MRTFA: variants seen among roughly 807,000 people sequenced by gnomAD.
The protein encoded by MRTFA is myocardin-related transcription factor A.
MRTFA carries 20 observed loss-of-function variants against 83.5 expected under a neutral mutation model. The ratio of observed to expected loss-of-function variants is 0.24; its 90% CI spans 0.17 to 0.35. The LOEUF is 0.35. MRTFA is among the 10% of genes least tolerant of loss of function. The pLI is 1.00. For synonymous variants in MRTFA, 659 were observed against 541.2 expected, an observed-to-expected ratio of 1.22 and a Z score of -3.02; for missense variants, 1,200 against 1,224.7, an observed-to-expected ratio of 0.98 and a Z score of 0.30.
At chr22:40,510,579 A>G (rs1242201981) in intron 3 of MRTFA, among the ~76,000 whole-genome samples, 4 of 152,202 alleles carry the variant, frequency 2.6e-5, no homozygotes, top group Non-Finnish European at 4.4e-5. Context: ...AAGTGCTTTC[A>G]CTGAATCATT....
At chr22:40,441,145 G>A (rs985065070) in intron 4 of MRTFA, among the ~76,000 whole-genome samples, 7 of 152,168 alleles carry the variant, frequency 4.6e-5, no homozygotes, top group East Asian at 1.9e-4. Context: ...GGTAGTTCTC[G>A]ATCCTTTCCT....
rs561693141 is a variant in MRTFA, at chr22:40,595,611, A to G, written c.-83-876T>C. On this transcript the variant is annotated intron_variant, in intron 1 of 14. Transcript: ENST00000355630. ...AGGAGTTGAGAAACTAACTGGACAG[A>G]TAAGACAAAACAAAAACAGTTCAAG... Among the ~76,000 whole-genome samples, 4 of 152,274 alleles carry G rather than the reference A, an allele frequency of 2.6e-5. No homozygotes were observed. In the South Asian group the frequency reaches 8.3e-4, roughly 32 times the overall value.
intron 1 of MRTFA, among the ~76,000 whole-genome samples, chr22:40,617,952 G>A (rs2056473631): frequency 1.3e-5 from 2 of 152,138 alleles, no homozygotes; most frequent in South Asian, 2.1e-4. Context: ...TTGTACAGAC[G>A]ATCATCTAGT....
At chr22:40,499,904 T>G (rs915739136) in intron 3 of MRTFA, among the ~76,000 whole-genome samples, 6 of 146,418 alleles carry the variant, frequency 4.1e-5, no homozygotes, top group African/African-American at 1.5e-4. Flanking sequence ...GACAAGATTT[T>G]CAAGTAGACC....
chr22:40,635,405 T>C (rs1382583316), intron 1 of MRTFA, among the ~76,000 whole-genome samples: 1 of 152,188 alleles, frequency 6.6e-6, no homozygotes, highest in Non-Finnish European at 1.5e-5. Flanking sequence ...TCTCAAAAAC[T>C]TGCAACTCGG....
intron 3 of MRTFA, among the ~76,000 whole-genome samples, chr22:40,536,143 GAA>G (rs1021312404): frequency 1.5e-4 from 22 of 149,236 alleles, no homozygotes; most frequent in Non-Finnish European, 2.8e-4. Flanking sequence ...AAAAAAAAAA[GAA>G]AAAGAAAAAA....
At chr22:40,469,898 C>T (rs1321990850) in intron 3 of MRTFA, among the ~76,000 whole-genome samples, 1 of 152,000 alleles carries the variant, frequency 6.6e-6, no homozygotes, top group African/African-American at 2.4e-5. Flanking sequence ...GGCAAAATAG[C>T]AAGACCCCCA....
chr22:40,499,427 A>T (rs1204637295), intron 3 of MRTFA, among the ~76,000 whole-genome samples: 1 of 152,208 alleles, frequency 6.6e-6, no homozygotes, highest in East Asian at 1.9e-4. Flanking sequence ...CTGACCACAG[A>T]CTACAAGCAG....
rs1392558772 is a variant in MRTFA at position 40,451,608 on chromosome 22, C to G, written c.307+11613G>C. The stretch of plus-strand genomic sequence containing the variant: ...CTTGACCCACTGATGGTCAAAGAGG[C>G]TCAAGACTGAGACAGGTGAGCACAC... On this transcript the variant is annotated intron_variant, in intron 4 of 14. Transcript: ENST00000355630. Among the ~76,000 whole-genome samples the G allele has an allele frequency of 3.9e-5, 6 of 152,098 alleles. 1 individual carries two copies. Among genetic ancestry groups the G allele is most frequent in the Admixed American group, 3.9e-4 (6 of 15,264 alleles).
chr22:40,453,346 C>G (rs868763938), intron 4 of MRTFA, among the ~76,000 whole-genome samples: 3 of 152,186 alleles, frequency 2.0e-5, no homozygotes, highest in Admixed American at 6.5e-5. Context: ...GGTTACACCA[C>G]CATATCCTGC....
Position 40,429,364 on chromosome 22 carries a change from G to A in MRTFA, c.601+242C>T, listed in dbSNP as rs1335094398. 7.7e-6 allele frequency: 5 copies of A among 650,400 alleles called. No homozygotes were observed. The East Asian group carries it at 8.1e-5, about 11-fold the overall frequency. The allele number at this position is 650,400 out of a possible 1,614,324, so 40.3% of individuals were successfully genotyped here. A position where few individuals can be genotyped will look rare whatever the true frequency, so the allele number is the denominator to read the frequency against. ...TTTACAAAGATGGAAAGTGAACAGA[G>A]CAAGGCCTCTGTTATTATTTATTGT... is the stretch of plus-strand genomic sequence containing the variant. On this transcript the variant is annotated intron_variant, in intron 7 of 14. Coordinates refer to ENST00000355630, the MANE Select transcript of MRTFA (RefSeq NM_020831.6).
chr22:40,513,008 A>C (rs1324522117), intron 3 of MRTFA, among the ~76,000 whole-genome samples: 8 of 152,260 alleles, frequency 5.3e-5, no homozygotes, highest in Non-Finnish European at 4.4e-5. Context: ...CAGACAATTT[A>C]GAAAGCTTAA....
chr22:40,449,203 C>T lies in MRTFA; in HGVS notation c.308-13649G>A, dbSNP rs187318198. On this transcript the variant is annotated intron_variant, in intron 4 of 14. Transcript: ENST00000355630. ...AATGGCGTGAACCCAGGAGGCGGAG[C>T]TTGTAGTGAGCCGAGATTGCGCCAC... Among the ~76,000 whole-genome samples, 524 of 148,642 alleles carry T rather than the reference C, an allele frequency of 3.5e-3. 1 individual carries two copies. Among genetic ancestry groups the T allele is most frequent in the Non-Finnish European group, 6.1e-3 (413 of 67,484 alleles).
intron 2 of MRTFA, 39 bp from the exon 3 acceptor site, chr22:40,552,406 C>T (rs1171520732): frequency 3.8e-5 from 15 of 397,098 alleles, no homozygotes; most frequent in Non-Finnish European, 5.8e-5. Flanking sequence ...TAGATGGTAC[C>T]ATGATAATAT....
chr22:40,526,959 G>A (rs1272886161), intron 3 of MRTFA, among the ~76,000 whole-genome samples: 1 of 151,896 alleles, frequency 6.6e-6, no homozygotes, highest in Non-Finnish European at 1.5e-5. Flanking sequence ...ACTTATTGGG[G>A]CAGGGGAGGA....
chr22:40,417,217 G>T, intron 13 of MRTFA, 124 bp downstream of exon 13: 1 of 1,424,814 alleles, frequency 7.0e-7, no homozygotes, highest in East Asian at 2.5e-5. Flanking sequence ...ACTCCCCAAG[G>T]CCTCTCTGAC....
intron 3 of MRTFA, among the ~76,000 whole-genome samples, chr22:40,501,894 G>A (rs1328431368): frequency 3.5e-5 from 2 of 57,220 alleles, no homozygotes; most frequent in African/African-American, 9.2e-5. Context: ...GCGGCTGGCC[G>A]GGCATAGGGG....
chr22:40,524,135 A>G (rs2054919453), intron 3 of MRTFA, among the ~76,000 whole-genome samples: 1 of 152,210 alleles, frequency 6.6e-6, no homozygotes, highest in Admixed American at 6.5e-5. Context: ...CTCTCATTAA[A>G]AAAAATTTTT....
At chr22:40,587,287 A>G (rs1403996372) in intron 2 of MRTFA, 2 of 486,226 alleles carry the variant, frequency 4.1e-6, no homozygotes, top group Non-Finnish European at 8.3e-6. Context: ...CATGCCCATC[A>G]GGAGCAAGTT....
Sources: allele counts gnomAD v4.1 joint callset (sites outside exome capture counted in the v4.1 genomes callset), GRCh38; gene constraint gnomAD v4.1.1; transcripts MANE v1.5; gene names NCBI Gene and HGNC (gene_info 2026-07-23, HGNC 2026-07-21).